CCDC27: variants seen among roughly 807,000 people sequenced by gnomAD.
CCDC27 encodes the protein coiled-coil domain containing 27, also known as coiled-coil domain-containing protein 27.
CCDC27 carries 80 observed loss-of-function variants against 80.3 expected under a neutral mutation model. The ratio of observed to expected loss-of-function variants is 1.00; its 90% CI spans 0.83 to 1.20. The LOEUF (loss-of-function observed/expected upper bound fraction) is 1.20. CCDC27 is among the 50% of genes most tolerant of loss of function. The pLI, the probability that CCDC27 is intolerant of heterozygous loss-of-function variation, is 0.00. For synonymous variants in CCDC27, 342 were observed against 334.3 expected (o/e 1.02, Z -0.25); for missense variants, 815 against 809.4 (o/e 1.01, Z -0.08).
intron 3 of CCDC27, 183 bp from the exon 4 acceptor site, chr1:3,756,550 A>G (rs1276016895): frequency 9.9e-6 from 6 of 605,642 alleles, no homozygotes; most frequent in Non-Finnish European, 1.7e-5. Flanking sequence ...TCGTGTTCAC[A>G]GCAGCACCAC....
chr1:3,755,273 C>T (rs1392471552), intron 2 of CCDC27, among the ~76,000 whole-genome samples, 184 bp from the exon 3 acceptor site: 2 of 152,202 alleles, frequency 1.3e-5, no homozygotes, highest in Non-Finnish European at 2.9e-5. Flanking sequence ...GAGGTGGAGA[C>T]ACCAGGGCAG....
At chr1:3,758,119 T>C (rs1312189334) in intron 4 of CCDC27, among the ~76,000 whole-genome samples, 1 of 152,156 alleles carries the variant, frequency 6.6e-6, no homozygotes, top group Non-Finnish European at 1.5e-5. Flanking sequence ...TTCCTTGAAT[T>C]CTGAAGAATT....
At chr1:3,757,393 CT>C (rs1402444075) in intron 4 of CCDC27, among the ~76,000 whole-genome samples, 1 of 151,862 alleles carries the variant, frequency 6.6e-6, no homozygotes, top group Non-Finnish European at 1.5e-5. Flanking sequence ...AAAACAGTTC[CT>C]TTTTTCTTTT....
Position 3,766,008 on chromosome 1 carries a change from C to A in CCDC27, c.1453-527C>A, listed in dbSNP as rs1332376872. Among the ~76,000 whole-genome samples, 1 of 152,002 alleles carries A rather than the reference C, an allele frequency of 6.6e-6. No individual in the cohort carries two copies. The highest frequency in any genetic ancestry group is 1.5e-5 in the Non-Finnish European group (1 of 68,004). Reference sequence around the variant, plus strand: ...CCTCAGCCTCCTGAGGAGCTGGGACCACAGGTGCACACCACCACACCCAAC... The same window carrying A: ...CCTCAGCCTCCTGAGGAGCTGGGACAACAGGTGCACACCACCACACCCAAC... On this transcript the variant is annotated intron_variant, in intron 8 of 11. Coordinates refer to ENST00000294600, the MANE Select transcript of CCDC27 (RefSeq NM_152492.3). This position sits in a 1 kb window ranked among gnomAD's most constrained non-coding sequence, Gnocchi z 6.1.
In CCDC27 at chr1:3,761,195, G is replaced by T. The variant is rs1643075757; in HGVS notation, c.712-86G>T. On this transcript the variant is annotated intron_variant, in intron 4 of 11. Coordinates refer to ENST00000294600, the MANE Select transcript of CCDC27 (RefSeq NM_152492.3). This position sits in a 1 kb window ranked among gnomAD's most constrained non-coding sequence, Gnocchi z 5.0. Reference sequence around the variant, plus strand: ...TTTGGGGTACCACGACAGCAGATCTGCTCCTCCTGGGTGGGCTGGAGGCAG... The same window carrying T: ...TTTGGGGTACCACGACAGCAGATCTTCTCCTCCTGGGTGGGCTGGAGGCAG... 6.6e-7 allele frequency: 1 copy of T among 1,512,768 alleles called. No individual in the cohort carries two copies. The highest frequency in any genetic ancestry group is 9.0e-7 in the Non-Finnish European group (1 of 1,113,380). The allele number at this position is 1,512,768 out of a possible 1,614,324, so 93.7% of individuals were successfully genotyped here. A position where few individuals can be genotyped will look rare whatever the true frequency, so the allele number is the denominator to read the frequency against.
At chr1:3,771,048 C>T (rs1643348778) in intron 11 of CCDC27, among the ~76,000 whole-genome samples, 1 of 152,144 alleles carries the variant, frequency 6.6e-6, no homozygotes, top group Non-Finnish European at 1.5e-5. Context: ...GGGCTCCTCA[C>T]AACTCTAAGA....
rs1188291998 is a variant in CCDC27, at chr1:3,768,244, T to G, written c.1743+799T>G. Among the ~76,000 whole-genome samples, 1 of 152,014 alleles carries G rather than the reference T, an allele frequency of 6.6e-6. No individual in the cohort carries two copies. The highest frequency in any genetic ancestry group is 1.5e-5 in the Non-Finnish European group (1 of 67,988). ...TCCTGAGTAGCTGGGACCACAGGCA[T>G]GTGCCACCATACCTGGCCAATTTTA... On this transcript the variant is annotated intron_variant, in intron 10 of 11. Coordinates refer to ENST00000294600, the MANE Select transcript of CCDC27 (RefSeq NM_152492.3). This position sits in a 1 kb window ranked among gnomAD's most constrained non-coding sequence, Gnocchi z 5.6.
intron 4 of CCDC27, among the ~76,000 whole-genome samples, chr1:3,759,569 C>A (rs1425735382): frequency 2.0e-5 from 3 of 152,130 alleles, no homozygotes; most frequent in Admixed American, 6.5e-5. Context: ...TCTCTGCATT[C>A]TTTTGAAACT....
At position 3,761,177 on chromosome 1, in the gene CCDC27, T is replaced by C; in HGVS notation, c.712-104T>C. ...TCCCTGGGACCCTGGGGTTTTGGGG[T>C]ACCACGACAGCAGATCTGCTCCTCC... On this transcript the variant is annotated intron_variant, in intron 4 of 11. Transcript: ENST00000294600. This position sits in a 1 kb window ranked among gnomAD's most constrained non-coding sequence, Gnocchi z 5.0. The C allele has an allele frequency of 7.2e-7, 1 of 1,393,344 alleles. No individual in the cohort carries two copies. Among genetic ancestry groups the C allele is most frequent in the Non-Finnish European group, 9.8e-7 (1 of 1,016,698 alleles). 86.3% of individuals were successfully genotyped at this position (1,393,344 alleles called of 1,614,324 possible). A position where few individuals can be genotyped will look rare whatever the true frequency, so the allele number is the denominator to read the frequency against.
In CCDC27 at chr1:3,766,742, C is replaced by T. The variant is rs1263288171; in HGVS notation, c.1530+130C>T. 1 of 663,640 alleles carries T rather than the reference C, an allele frequency of 1.5e-6. No homozygotes were observed. The highest frequency in any genetic ancestry group is 2.8e-5 in the East Asian group (1 of 36,328). 41.1% of individuals were successfully genotyped at this position (663,640 alleles called of 1,614,324 possible). ...CCAGGACCCCTTCGGTAGCATGCCA[C>T]TCGACAGATCTCTGCACCCCACGTC... is the stretch of plus-strand genomic sequence containing the variant. On this transcript the variant is annotated intron_variant, in intron 9 of 11. Transcript: ENST00000294600. The surrounding 1 kb of genome is among the most constrained non-coding windows in gnomAD (Gnocchi z 6.1).
At chr1:3,767,085 C>T (rs1643244120) in intron 9 of CCDC27, 148 bp from the exon 10 acceptor site, 2 of 663,406 alleles carry the variant, frequency 3.0e-6, no homozygotes, top group Non-Finnish European at 5.4e-6. Context: ...GTGATCCGCC[C>T]ACCGCAGCTT....
At chr1:3,757,934 AAAAAG>A (rs1381275410) in intron 4 of CCDC27, among the ~76,000 whole-genome samples, 59 of 151,430 alleles carry the variant, frequency 3.9e-4, no homozygotes, top group African/African-American at 1.4e-3. Context: ...AAAAAAAAAA[AAAAAG>A]AAATGGGGTT....
chr1:3,756,646 G>C, intron 3 of CCDC27, 87 bp from the exon 4 acceptor site: 1 of 1,456,200 alleles, frequency 6.9e-7, no homozygotes, highest in Non-Finnish European at 9.5e-7. Context: ...GGGAAGTCTC[G>C]GAAGGGTGGA....
Position 3,769,709 on chromosome 1 carries a change from G to C in CCDC27, c.1744-74G>C. 1.0e-6 allele frequency: 1 copy of C among 971,562 alleles called. No homozygotes were observed. Among genetic ancestry groups the C allele is most frequent in the Non-Finnish European group, 1.7e-6 (1 of 594,294 alleles). 60.2% of individuals were successfully genotyped at this position (971,562 alleles called of 1,614,324 possible). ...TTCCTGGTACATAAAAAATAAGGTG[G>C]TGGGGGGTGCAGCCCACTGGCCAGG... On this transcript the variant is annotated intron_variant, in intron 10 of 11. Transcript: ENST00000294600. The surrounding 1 kb of genome is among the most constrained non-coding windows in gnomAD (Gnocchi z 4.6).
intron 3 of CCDC27, 88 bp from the exon 4 acceptor site, chr1:3,756,645 C>T (rs1408093507): frequency 1.6e-5 from 23 of 1,449,516 alleles, no homozygotes; most frequent in South Asian, 4.9e-5. Flanking sequence ...AGGGAAGTCT[C>T]GGAAGGGTGG....
At position 3,763,590 on chromosome 1, in the gene CCDC27, G is replaced by A. The variant is rs925964719; in HGVS notation, c.1321+116G>A. The A allele has an allele frequency of 2.2e-5, 35 of 1,558,550 alleles. No individual in the cohort carries two copies. Among genetic ancestry groups the A allele is most frequent in the South Asian group, 7.2e-5 (6 of 82,826 alleles). ...GTGAGCTGGAGCAGGGGCAGGTGTCGGCAGCCTCACCCAGGCTGGCAGAGC... is the reference window on the plus strand; with the variant it reads ...GTGAGCTGGAGCAGGGGCAGGTGTCAGCAGCCTCACCCAGGCTGGCAGAGC... On this transcript the variant is annotated intron_variant, in intron 7 of 11. Transcript: ENST00000294600. The surrounding 1 kb of genome is among the most constrained non-coding windows in gnomAD (Gnocchi z 7.5).
At position 3,760,079 on chromosome 1, in the gene CCDC27, A is replaced by G. The variant is rs1459089831; in HGVS notation, c.712-1202A>G. ...CTGCAGCAACAAGTTTGCAGCTGGC[A>G]TTGTGTGAACTCGGCAGCTCTAACA... On this transcript the variant is annotated intron_variant, in intron 4 of 11. Coordinates refer to ENST00000294600, the MANE Select transcript of CCDC27 (RefSeq NM_152492.3). The surrounding 1 kb of genome is among the most constrained non-coding windows in gnomAD (Gnocchi z 4.3). 6.6e-6 allele frequency among the ~76,000 whole-genome samples: 1 copy of G among 152,180 alleles called. No individual in the cohort carries two copies. Among genetic ancestry groups the G allele is most frequent in the African/African-American group, 2.4e-5 (1 of 41,420 alleles).
intron 1 of CCDC27, 131 bp downstream of exon 1, chr1:3,752,930 G>T: frequency 9.3e-7 from 1 of 1,075,790 alleles, no homozygotes; most frequent in Non-Finnish European, 1.3e-6. Flanking sequence ...ACCAAAGGGG[G>T]ATTCCAGGCA....
In CCDC27 at chr1:3,762,729, G is replaced by A; in HGVS notation, c.954+17G>A. ...TGGTGGCAGGTGCGGGCCGCCTGGA[G>A]AGCAGGCACGCAGTGGGGGACCCGG... On this transcript the variant is annotated intron_variant, in intron 6 of 11. Coordinates refer to ENST00000294600, the MANE Select transcript of CCDC27 (RefSeq NM_152492.3). The A allele has an allele frequency of 6.5e-7, 1 of 1,546,364 alleles. No homozygotes were observed. The highest frequency in any genetic ancestry group is 2.4e-5 in the East Asian group (1 of 40,862).
Sources: allele counts gnomAD v4.1 joint callset (sites outside exome capture counted in the v4.1 genomes callset), GRCh38; gene constraint gnomAD v4.1.1; non-coding constraint Gnocchi (gnomAD v3.1); transcripts MANE v1.5; gene names NCBI Gene and HGNC (gene_info 2026-07-23, HGNC 2026-07-21).